PAX5: variants seen among roughly 807,000 people sequenced by gnomAD.
PAX5 encodes the protein paired box protein Pax-5.
Under a neutral mutation model 43.7 loss-of-function variants are expected in PAX5, and 9 were observed. The observed-to-expected ratio is 0.21, with a 90% CI of 0.12 to 0.36. PAX5 has a LOEUF of 0.36. Ranked by LOEUF, PAX5 falls within the 10% of genes least tolerant of loss-of-function variation. PAX5 has a pLI of 1.00. For missense variants in PAX5, 383 were observed against 532.7 expected (o/e 0.72, Z 2.77); for synonymous variants, 228 against 214.3 (o/e 1.06, Z -0.56).
intron 4 of PAX5, among the ~76,000 whole-genome samples, chr9:37,004,966 A>C (rs1838262547): frequency 6.6e-6 from 1 of 152,226 alleles, no homozygotes; most frequent in Non-Finnish European, 1.5e-5. Context: ...TGTATGCGAG[A>C]TGTAGTTTAA....
rs187879039 is a variant in PAX5, at chr9:36,877,167, C to T, written c.1012+4837G>A. Among the ~76,000 whole-genome samples, 3 of 152,232 alleles carry T rather than the reference C, an allele frequency of 2.0e-5. No individual in the cohort carries two copies. The East Asian group carries it at 5.8e-4, about 29-fold the overall frequency. On this transcript the variant is annotated intron_variant, in intron 8 of 9. Transcript: ENST00000358127. The stretch of plus-strand genomic sequence containing the variant: ...GCCTGGACAGTATGGCAAAACCCGT[C>T]TCTACAAAAAATACAAAAATTAGGT...
intron 5 of PAX5, among the ~76,000 whole-genome samples, chr9:36,968,499 A>G (rs1834640249): frequency 6.6e-6 from 1 of 152,156 alleles, no homozygotes; most frequent in African/African-American, 2.4e-5. Flanking sequence ...CATCCTCTAT[A>G]GGAAGGGCCT....
At chr9:37,033,840 G>C (rs1841256749) in intron 1 of PAX5, 146 bp downstream of exon 1, 1 of 683,438 alleles carries the variant, frequency 1.5e-6, no homozygotes, top group Admixed American at 2.5e-5. Flanking sequence ...ACAGATAGGT[G>C]AAAAAACATA....
At chr9:36,917,173 AG>A (rs1829792023) in intron 7 of PAX5, among the ~76,000 whole-genome samples, 1 of 152,224 alleles carries the variant, frequency 6.6e-6, no homozygotes, top group South Asian at 2.1e-4. Flanking sequence ...TCTTTGGTCA[AG>A]GGTTTACTTT....
intron 8 of PAX5, among the ~76,000 whole-genome samples, chr9:36,864,023 T>G (rs548572521): frequency 6.6e-6 from 1 of 152,162 alleles, no homozygotes; most frequent in African/African-American, 2.4e-5. Context: ...GTAGAAGAAT[T>G]GCTTGAACCC....
intron 1 of PAX5, among the ~76,000 whole-genome samples, chr9:37,025,290 G>A (rs2132527712): frequency 6.6e-6 from 1 of 152,308 alleles, no homozygotes; most frequent in South Asian, 2.1e-4. Context: ...TGCTTGCCAG[G>A]CCACTCAGCA....
At chr9:36,916,926 C>G (rs1829770875) in intron 7 of PAX5, among the ~76,000 whole-genome samples, 1 of 152,156 alleles carries the variant, frequency 6.6e-6, no homozygotes, top group Non-Finnish European at 1.5e-5. Flanking sequence ...CTCAAATGAT[C>G]CGCCTGCCTT....
chr9:37,014,887 G>A (rs1484984077), intron 3 of PAX5, 110 bp downstream of exon 3: 30 of 984,652 alleles, frequency 3.0e-5, no homozygotes, highest in Non-Finnish European at 4.5e-5. Context: ...AACCCCTAAG[G>A]GGCCTTGGTG....
Position 36,834,796 on chromosome 9 carries a change from G to C in PAX5, c.*5764C>G, listed in dbSNP as rs1245374594. 1 of 223,900 alleles carries C rather than the reference G, an allele frequency of 4.5e-6. No homozygotes were observed. The highest frequency in any genetic ancestry group is 2.3e-5 in the African/African-American group (1 of 44,370). The allele number at this position is 223,900 out of a possible 1,614,324, so 13.9% of individuals were successfully genotyped here. A position where few individuals can be genotyped will look rare whatever the true frequency, so the allele number is the denominator to read the frequency against. On this transcript the variant is annotated 3_prime_UTR_variant, in exon 10 of 10. Coordinates refer to ENST00000358127, the MANE Select transcript of PAX5 (RefSeq NM_016734.3). ...GATGAGGGACGTGGCCACAGGCATGGTGATTTTGGGGACAAGGGCGACCAG... is the reference window on the plus strand; with the variant it reads ...GATGAGGGACGTGGCCACAGGCATGCTGATTTTGGGGACAAGGGCGACCAG...
Position 36,926,487 on chromosome 9 carries a change from AG to A in PAX5, c.781-3004del, listed in dbSNP as rs1407025717. Among the ~76,000 whole-genome samples the A allele has an allele frequency of 6.6e-5, 10 of 152,332 alleles. No homozygotes were observed. The South Asian group carries it at 1.9e-3, about 28-fold the overall frequency. On this transcript the variant is annotated intron_variant, in intron 6 of 9. Transcript: ENST00000358127. ...CCATGCAGCAAGAGCTATTGGAAAA[AG>A]GTTGCTGTCTAGACTTCCTCTTCTG...
chr9:36,982,403 C>T (rs187418952), intron 5 of PAX5, among the ~76,000 whole-genome samples: 3 of 152,326 alleles, frequency 2.0e-5, no homozygotes, highest in East Asian at 3.9e-4. Flanking sequence ...CCAAGCATAG[C>T]CCTGCCAGGG....
At chr9:36,968,060 G>C (rs10814487) in intron 5 of PAX5, among the ~76,000 whole-genome samples, 1 of 152,074 alleles carries the variant, frequency 6.6e-6, no homozygotes, top group Non-Finnish European at 1.5e-5. Flanking sequence ...ATCATTCCCC[G>C]GGGCTCTCTG....
At chr9:36,852,493 G>A (rs972730012) in intron 8 of PAX5, among the ~76,000 whole-genome samples, 6 of 152,194 alleles carry the variant, frequency 3.9e-5, no homozygotes, top group Admixed American at 3.9e-4. Context: ...GCCTTCGGAG[G>A]AAAAAAATGA....
At chr9:36,889,742 G>A (rs1402646941) in intron 7 of PAX5, among the ~76,000 whole-genome samples, 1 of 152,208 alleles carries the variant, frequency 6.6e-6, no homozygotes, top group East Asian at 1.9e-4. Flanking sequence ...CGTTTGCCAA[G>A]ATGAAATTAA....
At chr9:36,925,880 C>T (rs1263118769) in intron 6 of PAX5, among the ~76,000 whole-genome samples, 1 of 152,182 alleles carries the variant, frequency 6.6e-6, no homozygotes, top group African/African-American at 2.4e-5. Flanking sequence ...TCTTTCATAA[C>T]CACCATTCCC....
intron 3 of PAX5, among the ~76,000 whole-genome samples, chr9:37,012,264 G>T (rs776474853): frequency 1.3e-5 from 2 of 152,126 alleles, no homozygotes; most frequent in Non-Finnish European, 2.9e-5. Context: ...TCTGTCACTC[G>T]CAGAGTCCTA....
chr9:36,953,124 G>C (rs1209364991), intron 6 of PAX5, among the ~76,000 whole-genome samples: 2 of 152,112 alleles, frequency 1.3e-5, no homozygotes, highest in East Asian at 3.9e-4. Context: ...TAAAATTCTA[G>C]GTGGGTGAAC....
At chr9:36,909,637 G>T (rs995291426) in intron 7 of PAX5, among the ~76,000 whole-genome samples, 31 of 152,212 alleles carry the variant, frequency 2.0e-4, no homozygotes, top group African/African-American at 7.5e-4. Flanking sequence ...GCCCACAGGG[G>T]CCAGCAGGTA....
At position 36,840,150 on chromosome 9, in the gene PAX5, C is replaced by T; in HGVS notation, c.*410G>A. 1 of 386,104 alleles carries T rather than the reference C, an allele frequency of 2.6e-6. No individual in the cohort carries two copies. The highest frequency in any genetic ancestry group is 4.8e-6 in the Non-Finnish European group (1 of 209,416). The allele number at this position is 386,104 out of a possible 1,614,324, so 23.9% of individuals were successfully genotyped here. On this transcript the variant is annotated 3_prime_UTR_variant, in exon 10 of 10. Transcript: ENST00000358127. ...GTCTTCTCAGTCGGACCTTCAGGCC[C>T]ACAGAAAAGCAAGAAGGTATTTACA...
Sources: allele counts gnomAD v4.1 joint callset (sites outside exome capture counted in the v4.1 genomes callset), GRCh38; gene constraint gnomAD v4.1.1; transcripts MANE v1.5; gene names NCBI Gene and HGNC (gene_info 2026-07-23, HGNC 2026-07-21).